KCNN3: variants seen among roughly 807,000 people sequenced by gnomAD.
KCNN3 encodes small conductance calcium-activated potassium channel protein 3.
KCNN3 carries 16 observed loss-of-function variants against 62.9 expected under a neutral mutation model. That is an observed-to-expected ratio of 0.25 (90% CI 0.17 to 0.39). The LOEUF is 0.39. Among genes scored for constraint, KCNN3 ranks in the 10% least tolerant of loss-of-function variants. KCNN3 has a pLI of 1.00. For synonymous variants in KCNN3, 370 were observed against 389.2 expected, an observed-to-expected ratio of 0.95 and a Z score of 0.58; for missense variants, 599 against 949.4, an observed-to-expected ratio of 0.63 and a Z score of 4.85.
Position 154,758,964 on chromosome 1 carries a change from C to T in KCNN3, c.1448+13011G>A, listed in dbSNP as rs748373938. Among the ~76,000 whole-genome samples the T allele has an allele frequency of 3.6e-4, 54 of 152,058 alleles. 2 individuals are homozygous for T. The highest frequency in any genetic ancestry group is 1.0e-4 in the Non-Finnish European group (7 of 68,014). ...CTGGGATTACAGGCGCTCACCACCA[C>T]ACTGGGCTAATTTTTGTATTTTTAA... is the stretch of plus-strand genomic sequence containing the variant. On this transcript the variant is annotated intron_variant, in intron 3 of 7. Coordinates refer to ENST00000271915, the MANE Select transcript of KCNN3 (RefSeq NM_002249.6).
In KCNN3 at chr1:154,749,093, C is replaced by T. The variant is rs547647472; in HGVS notation, c.1449-15949G>A. Among the ~76,000 whole-genome samples, 146 of 152,294 alleles carry T rather than the reference C, an allele frequency of 9.6e-4. 1 individual carries two copies. In the South Asian group the frequency reaches 0.013, roughly 14 times the overall value. On this transcript the variant is annotated intron_variant, in intron 3 of 7. Transcript: ENST00000271915. Reference sequence around the variant, plus strand: ...GTGGAGAGACTGGTGGGGATTCTCTCTCTCTCAGGTATCTCATCCTGGATC... The same window carrying T: ...GTGGAGAGACTGGTGGGGATTCTCTTTCTCTCAGGTATCTCATCCTGGATC...
intron 3 of KCNN3, among the ~76,000 whole-genome samples, chr1:154,770,598 TC>T (rs1422848930): frequency 6.6e-6 from 1 of 152,118 alleles, no homozygotes; most frequent in Admixed American, 6.5e-5. Context: ...AAATAATCTA[TC>T]TCAAGCAAAC....
chr1:154,865,757 CACA>C (rs1652925924), intron 1 of KCNN3, among the ~76,000 whole-genome samples: 1 of 152,134 alleles, frequency 6.6e-6, no homozygotes, highest in Admixed American at 6.6e-5. Context: ...ACAGCAAGGC[CACA>C]ACCCCACGGA....
At chr1:154,745,451 A>T (rs1372229345) in intron 3 of KCNN3, among the ~76,000 whole-genome samples, 1 of 152,208 alleles carries the variant, frequency 6.6e-6, no homozygotes, top group Non-Finnish European at 1.5e-5. Flanking sequence ...GCTTCTGAGA[A>T]ACTCTGGAAG....
At chr1:154,847,039 C>G (rs1349151335) in intron 1 of KCNN3, among the ~76,000 whole-genome samples, 2 of 151,900 alleles carry the variant, frequency 1.3e-5, no homozygotes, top group Non-Finnish European at 2.9e-5. Context: ...TGACCCCTCA[C>G]CCCCCTCCCT....
At chr1:154,783,668 G>C (rs543184124) in intron 2 of KCNN3, among the ~76,000 whole-genome samples, 2 of 152,312 alleles carry the variant, frequency 1.3e-5, no homozygotes, top group African/African-American at 2.4e-5. Flanking sequence ...AGGAACACTG[G>C]AGATGGGGGA....
At chr1:154,781,084 G>A (rs566198038) in intron 2 of KCNN3, among the ~76,000 whole-genome samples, 55 of 152,286 alleles carry the variant, frequency 3.6e-4, no homozygotes, top group African/African-American at 9.4e-4. Flanking sequence ...TGAGCGCTTC[G>A]CCAGAGCTCA....
At chr1:154,756,469 C>T (rs999955591) in intron 3 of KCNN3, among the ~76,000 whole-genome samples, 2 of 152,140 alleles carry the variant, frequency 1.3e-5, no homozygotes, top group African/African-American at 4.8e-5. Flanking sequence ...CCTTCTGCGG[C>T]TCAGTCCCTG....
rs1699908008 is a variant in KCNN3, at chr1:154,703,539, C to T, written c.*4437G>A. On this transcript the variant is annotated 3_prime_UTR_variant, in exon 8 of 8. Transcript: ENST00000271915. ...TTTTAGGATTTAAAAACAGTAACTTCAAAAGAGTAGTAACCTACTGGTAGT... is the reference window on the plus strand; with the variant it reads ...TTTTAGGATTTAAAAACAGTAACTTTAAAAGAGTAGTAACCTACTGGTAGT... The T allele has an allele frequency of 6.6e-6, 1 of 152,160 alleles. No homozygotes were observed. The highest frequency in any genetic ancestry group is 2.4e-5 in the African/African-American group (1 of 41,428). The allele number at this position is 152,160 out of a possible 1,614,324, so 9.4% of individuals were successfully genotyped here.
chr1:154,754,704 G>A (rs952460085), intron 3 of KCNN3, among the ~76,000 whole-genome samples: 1 of 152,176 alleles, frequency 6.6e-6, no homozygotes, highest in Admixed American at 6.5e-5. Context: ...AAGGGAGAAG[G>A]AGCCTGCGTC....
chr1:154,828,758 C>A (rs1457076186), intron 1 of KCNN3, among the ~76,000 whole-genome samples: 8 of 152,218 alleles, frequency 5.3e-5, no homozygotes, highest in Non-Finnish European at 7.3e-5. Context: ...GTCAAACACC[C>A]CTTCTCTTGC....
chr1:154,710,806 C>T (rs1383067249), intron 7 of KCNN3, among the ~76,000 whole-genome samples: 2 of 152,102 alleles, frequency 1.3e-5, no homozygotes, highest in Non-Finnish European at 2.9e-5. Flanking sequence ...CCATCTCATA[C>T]CAGTTAGAAT....
chr1:154,825,543 T>G (rs949417466), intron 1 of KCNN3, among the ~76,000 whole-genome samples: 2 of 151,604 alleles, frequency 1.3e-5, no homozygotes, highest in African/African-American at 4.8e-5. Context: ...TTTTTTTGTA[T>G]TTTTAGTAGA....
intron 3 of KCNN3, among the ~76,000 whole-genome samples, chr1:154,748,013 G>A (rs546845400): frequency 2.0e-5 from 3 of 152,208 alleles, no homozygotes; most frequent in South Asian, 4.1e-4. Flanking sequence ...TCTCACCACC[G>A]GCTCTTGGCC....
intron 4 of KCNN3, among the ~76,000 whole-genome samples, chr1:154,732,085 T>G (rs1700606062): frequency 6.6e-6 from 1 of 152,174 alleles, no homozygotes. Flanking sequence ...TCAAAGCACT[T>G]TAACATAAAT....
intron 3 of KCNN3, among the ~76,000 whole-genome samples, chr1:154,740,085 G>A (rs2101801236): frequency 6.6e-6 from 1 of 152,294 alleles, no homozygotes. Flanking sequence ...ACTCTTCTAT[G>A]AATTGCTTCT....
At chr1:154,785,996 G>C (rs1403047341) in intron 2 of KCNN3, among the ~76,000 whole-genome samples, 2 of 152,146 alleles carry the variant, frequency 1.3e-5, no homozygotes, top group Non-Finnish European at 2.9e-5. Flanking sequence ...CTAAGTGGTG[G>C]AGACAGGATT....
intron 3 of KCNN3, among the ~76,000 whole-genome samples, chr1:154,739,391 C>A (rs1348884309): frequency 6.6e-6 from 1 of 152,200 alleles, no homozygotes; most frequent in South Asian, 2.1e-4. Flanking sequence ...TTAGTGCCCC[C>A]CACCCCAGGA....
intron 5 of KCNN3, among the ~76,000 whole-genome samples, chr1:154,720,353 C>T (rs1025028063): frequency 3.3e-5 from 5 of 152,206 alleles, no homozygotes; most frequent in African/African-American, 1.2e-4. Context: ...AATTTATAAT[C>T]CTCTTCTGGG....
Sources: gnomAD v4.1 joint callset for allele counts (sites outside exome capture counted in the v4.1 genomes callset) on GRCh38, gnomAD v4.1.1 for gene constraint, MANE v1.5 for transcripts, NCBI Gene and HGNC (gene_info 2026-07-23, HGNC 2026-07-21) for gene names.